AKAP19: variants seen among roughly 807,000 people sequenced by gnomAD.
The protein encoded by AKAP19 is small A-kinase anchoring protein.
At chr2:189,928,254 T>C in the AKAP19 span, among the ~76,000 whole-genome samples, 1 of 152,160 alleles carries the variant, frequency 6.6e-6, no homozygotes, top group Non-Finnish European at 1.5e-5. Context: ...CAGTGAATCA[T>C]ATTTGAAGGC....
the AKAP19 span, among the ~76,000 whole-genome samples, chr2:189,994,313 G>A: frequency 1.3e-5 from 2 of 151,756 alleles, no homozygotes; most frequent in Admixed American, 1.3e-4. Context: ...CGCCCAGCCT[G>A]ATCTTTTGTT....
At chr2:189,889,813 C>A in the AKAP19 span, among the ~76,000 whole-genome samples, 12 of 152,110 alleles carry the variant, frequency 7.9e-5, no homozygotes, top group African/African-American at 2.7e-4. Context: ...TTTGATTCTT[C>A]TCTCTTTTCT....
the AKAP19 span, among the ~76,000 whole-genome samples, chr2:190,083,136 T>C: frequency 6.6e-6 from 1 of 152,184 alleles, no homozygotes; most frequent in Non-Finnish European, 1.5e-5. Context: ...CCCAGCACTT[T>C]GGGAGGCCAA....
At chr2:189,887,577 C>T in the AKAP19 span, among the ~76,000 whole-genome samples, 2 of 152,196 alleles carry the variant, frequency 1.3e-5, no homozygotes, top group Non-Finnish European at 2.9e-5. Flanking sequence ...CTAATTTACA[C>T]TCCTGCCAAC....
At chr2:190,142,255 T>A in the AKAP19 span, among the ~76,000 whole-genome samples, 4 of 152,214 alleles carry the variant, frequency 2.6e-5, no homozygotes, top group Admixed American at 2.0e-4. Context: ...TAACTCTTTG[T>A]GGCACAGTTT....
chr2:190,042,983 T>C, the AKAP19 span, among the ~76,000 whole-genome samples: 1 of 152,220 alleles, frequency 6.6e-6, no homozygotes, highest in Non-Finnish European at 1.5e-5. Flanking sequence ...AAATTTGTGG[T>C]TGAAGATTTT....
the AKAP19 span, among the ~76,000 whole-genome samples, chr2:190,009,816 A>T: frequency 6.6e-6 from 1 of 152,146 alleles, no homozygotes; most frequent in African/African-American, 2.4e-5. Flanking sequence ...ATACACCAAC[A>T]TTAAGAGGAT....
At chr2:190,161,647 A>T in the AKAP19 span, among the ~76,000 whole-genome samples, 1 of 152,160 alleles carries the variant, frequency 6.6e-6, no homozygotes, top group Non-Finnish European at 1.5e-5. Context: ...GTAGCTCAGT[A>T]TTGATCCCCC....
the AKAP19 span, among the ~76,000 whole-genome samples, chr2:189,979,898 C>T: frequency 6.6e-6 from 1 of 152,052 alleles, no homozygotes; most frequent in Non-Finnish European, 1.5e-5. Context: ...AGAAAAGCTA[C>T]TATTAAAAAG....
the AKAP19 span, among the ~76,000 whole-genome samples, chr2:189,938,458 A>G: frequency 6.6e-6 from 1 of 152,206 alleles, no homozygotes; most frequent in Non-Finnish European, 1.5e-5. Context: ...CATTATGGTA[A>G]GTGAAATAAG....
the AKAP19 span, among the ~76,000 whole-genome samples, chr2:189,900,632 C>T: frequency 6.6e-6 from 1 of 151,952 alleles, no homozygotes; most frequent in East Asian, 1.9e-4. Flanking sequence ...TTTAGAGTGT[C>T]AGTATTTTAT....
the AKAP19 span, among the ~76,000 whole-genome samples, chr2:190,192,042 C>G: frequency 6.6e-6 from 1 of 151,670 alleles, no homozygotes. Context: ...TTTTCCTAAC[C>G]CAAGATCGCA....
the AKAP19 span, among the ~76,000 whole-genome samples, chr2:190,006,701 G>A: frequency 6.8e-6 from 1 of 147,344 alleles, no homozygotes; most frequent in African/African-American, 2.5e-5. Context: ...GTGCAATGTA[G>A]TATGAAGAGA....
At chr2:190,085,788 G>T in the AKAP19 span, among the ~76,000 whole-genome samples, 1 of 152,176 alleles carries the variant, frequency 6.6e-6, no homozygotes, top group Non-Finnish European at 1.5e-5. Context: ...ATCAGCTTTT[G>T]TTGCTGGTAA....
the AKAP19 span, among the ~76,000 whole-genome samples, chr2:190,199,380 G>A: frequency 1.3e-5 from 2 of 152,106 alleles, no homozygotes; most frequent in South Asian, 2.1e-4. Context: ...CCAATGGTTT[G>A]CTAGCCCTTG....
chr2:189,922,471 A>G, the AKAP19 span, among the ~76,000 whole-genome samples: 1 of 152,352 alleles, frequency 6.6e-6, no homozygotes, highest in East Asian at 1.9e-4. Context: ...GATTCAGCAG[A>G]TACAGTTGAT....
At chr2:190,131,473 C>A in the AKAP19 span, among the ~76,000 whole-genome samples, 6 of 152,174 alleles carry the variant, frequency 3.9e-5, no homozygotes, top group African/African-American at 1.4e-4. Flanking sequence ...ATGGGAGCTC[C>A]ATGTGCCTTT....
the AKAP19 span, among the ~76,000 whole-genome samples, chr2:189,909,742 T>C: frequency 2.0e-5 from 3 of 152,092 alleles, no homozygotes; most frequent in African/African-American, 7.2e-5. Context: ...TTTTTGTCTT[T>C]TAAGATTTCT....
the AKAP19 span, among the ~76,000 whole-genome samples, chr2:190,128,863 C>T: frequency 6.6e-6 from 1 of 152,178 alleles, no homozygotes; most frequent in Non-Finnish European, 1.5e-5. Flanking sequence ...GTTGCATATC[C>T]CCCTTAAGGG....
Sources: gnomAD v4.1 joint callset for allele counts (sites outside exome capture counted in the v4.1 genomes callset) on GRCh38, gnomAD v4.1.1 for gene constraint, MANE v1.5 for transcripts, NCBI Gene and HGNC (gene_info 2026-07-23, HGNC 2026-07-21) for gene names.